PIEZO2: variants seen among roughly 807,000 people sequenced by gnomAD.
PIEZO2 encodes the protein piezo-type mechanosensitive ion channel component 2.
In PIEZO2, 172 loss-of-function variants were observed where a neutral mutation model predicts 337.3. The ratio of observed to expected loss-of-function variants is 0.51; its 90% CI spans 0.45 to 0.58. The LOEUF (loss-of-function observed/expected upper bound fraction) is 0.58, where lower values mean the gene tolerates loss of function less well. PIEZO2 is among the 20% of genes least tolerant of loss of function. The probability of loss-of-function intolerance (pLI) is 0.00; values close to 1 mark genes in which losing one functional copy is unlikely to be tolerated. For synonymous variants in PIEZO2, 1,251 were observed against 1,228.5 expected (o/e 1.02, Z -0.38); for missense variants, 3,028 against 3,391.3 (o/e 0.89, Z 2.66).
At position 10,802,393 on chromosome 18, in the gene PIEZO2, C is replaced by T. The variant is rs556672938; in HGVS notation, c.1201-965G>A. Among the ~76,000 whole-genome samples the T allele has an allele frequency of 7.2e-5, 11 of 151,962 alleles. No individual in the cohort carries two copies. In the East Asian group the frequency reaches 1.4e-3, roughly 19 times the overall value. ...TTATCTACCATACGAGAAATTAGACCAGGTAGTCTTAAAATACTTATTTAC... is the reference window on the plus strand; with the variant it reads ...TTATCTACCATACGAGAAATTAGACTAGGTAGTCTTAAAATACTTATTTAC... On this transcript the variant is annotated intron_variant, in intron 9 of 55. Transcript: ENST00000674853.
rs746072504 is a variant in PIEZO2 at position 10,767,803 on chromosome 18, A to G, written c.2946+2345T>C. Among the ~76,000 whole-genome samples the G allele has an allele frequency of 6.6e-6, 1 of 152,202 alleles. No homozygotes were observed. Among genetic ancestry groups the G allele is most frequent in the African/African-American group, 2.4e-5 (1 of 41,462 alleles). Reference sequence around the variant, plus strand: ...GCAGCAGGACTCCACAGAGGAGTCCAGGAGGAGAAGGTGCTGGCAACCAGG... The same window carrying G: ...GCAGCAGGACTCCACAGAGGAGTCCGGGAGGAGAAGGTGCTGGCAACCAGG... On this transcript the variant is annotated intron_variant, in intron 21 of 55. Transcript: ENST00000674853. This position sits in a 1 kb window ranked among gnomAD's most constrained non-coding sequence, Gnocchi z 4.2.
intron 5 of PIEZO2, among the ~76,000 whole-genome samples, chr18:10,864,023 T>C (rs114071043): frequency 0.012 from 1,805 of 152,300 alleles, 32 homozygotes; most frequent in African/African-American, 0.037. Context: ...ATAAAAAATT[T>C]ATACAGTGAT....
At chr18:10,831,144 C>G (rs1005630619) in intron 7 of PIEZO2, among the ~76,000 whole-genome samples, 1 of 152,080 alleles carries the variant, frequency 6.6e-6, no homozygotes, top group South Asian at 2.1e-4. Flanking sequence ...AAAAATAGAG[C>G]TACCATACGA....
At chr18:10,702,404 G>A (rs551147528) in intron 42 of PIEZO2, among the ~76,000 whole-genome samples, 2 of 152,230 alleles carry the variant, frequency 1.3e-5, no homozygotes, top group South Asian at 4.1e-4. Flanking sequence ...ATCCAGCAAG[G>A]CCAGTCAGAC....
rs1268901163 is a variant in PIEZO2 at position 11,094,221 on chromosome 18, C to G, written c.65-27999G>C. Among the ~76,000 whole-genome samples the G allele has an allele frequency of 6.6e-6, 1 of 152,178 alleles. No homozygotes were observed. The highest frequency in any genetic ancestry group is 1.5e-5 in the Non-Finnish European group (1 of 68,048). On this transcript the variant is annotated intron_variant, in intron 1 of 55. Transcript: ENST00000674853. This position sits in a 1 kb window ranked among gnomAD's most constrained non-coding sequence, Gnocchi z 4.4. ...CTCTCTACTGTGATAATTTGATTAG[C>G]TCCTTTATGTTCCAGCTTGAACGTA...
chr18:10,777,310 C>G (rs1412163467), intron 18 of PIEZO2, among the ~76,000 whole-genome samples: 1 of 152,238 alleles, frequency 6.6e-6, no homozygotes, highest in African/African-American at 2.4e-5. Context: ...TTCACTCACT[C>G]TACACTTCCA....
rs2033429196 is a variant in PIEZO2 at position 10,954,335 on chromosome 18, A to G, written c.286+25200T>C. The stretch of plus-strand genomic sequence containing the variant: ...ACACAATGTATCTCTGCATTTATTT[A>G]GGGTTTGTTTCATTTATTTCTGCAG... On this transcript the variant is annotated intron_variant, in intron 3 of 55. Transcript: ENST00000674853. This position sits in a 1 kb window ranked among gnomAD's most constrained non-coding sequence, Gnocchi z 4.2. 6.6e-6 allele frequency among the ~76,000 whole-genome samples: 1 copy of G among 152,120 alleles called. No individual in the cohort carries two copies. The highest frequency in any genetic ancestry group is 1.5e-5 in the Non-Finnish European group (1 of 68,006).
chr18:11,122,946 A>T (rs1274601360), intron 1 of PIEZO2, among the ~76,000 whole-genome samples: 2 of 150,790 alleles, frequency 1.3e-5, no homozygotes, highest in Non-Finnish European at 2.9e-5. Context: ...TATAAGTTAT[A>T]TGATAGCATT....
At chr18:10,935,254 A>C (rs1359412419) in intron 3 of PIEZO2, among the ~76,000 whole-genome samples, 1 of 152,192 alleles carries the variant, frequency 6.6e-6, no homozygotes, top group Non-Finnish European at 1.5e-5. Context: ...GCCACACATG[A>C]TTATGAATAG....
chr18:10,751,120 A>G (rs553131136), intron 28 of PIEZO2, among the ~76,000 whole-genome samples: 10 of 152,348 alleles, frequency 6.6e-5, no homozygotes, highest in Admixed American at 5.2e-4. Context: ...AATAATTATC[A>G]TTAACCCATT....
At chr18:10,744,439 G>C (rs917567450) in intron 30 of PIEZO2, among the ~76,000 whole-genome samples, 1 of 152,148 alleles carries the variant, frequency 6.6e-6, no homozygotes, top group Non-Finnish European at 1.5e-5. Context: ...CCCTGGGAGT[G>C]AAGGGGCTGC....
chr18:10,756,796 T>C (rs1234960697), intron 27 of PIEZO2, among the ~76,000 whole-genome samples: 2 of 128,880 alleles, frequency 1.6e-5, no homozygotes, highest in Non-Finnish European at 3.2e-5. Context: ...GGAGGGGGGA[T>C]GGAGAATGAG....
Position 10,894,976 on chromosome 18 carries a change from C to T in PIEZO2, c.329+16210G>A, listed in dbSNP as rs1995674. Among the ~76,000 whole-genome samples, 9,995 of 152,286 alleles carry T rather than the reference C, an allele frequency of 0.066. 333 individuals are homozygous for T. Among genetic ancestry groups the T allele is most frequent in the South Asian group, 0.076 (368 of 4,830 alleles). Reference sequence around the variant, plus strand: ...TTAGATGTCTGCAGATCCCACAATCCCTCCCTCTCTTTCCTGAGATGAGAG... The same window carrying T: ...TTAGATGTCTGCAGATCCCACAATCTCTCCCTCTCTTTCCTGAGATGAGAG... On this transcript the variant is annotated intron_variant, in intron 4 of 55. Coordinates refer to ENST00000674853, the MANE Select transcript of PIEZO2 (RefSeq NM_001378183.1). The surrounding 1 kb of genome is among the most constrained non-coding windows in gnomAD (Gnocchi z 4.1).
intron 1 of PIEZO2, among the ~76,000 whole-genome samples, chr18:11,103,114 G>A (rs1054203336): frequency 6.6e-6 from 1 of 151,998 alleles, no homozygotes; most frequent in Non-Finnish European, 1.5e-5. Flanking sequence ...CAATGAGAGG[G>A]GAGACATGGA....
chr18:10,983,795 A>T (rs1396962639), intron 2 of PIEZO2, among the ~76,000 whole-genome samples: 1 of 152,184 alleles, frequency 6.6e-6, no homozygotes, highest in East Asian at 1.9e-4. Context: ...GATAGCACAC[A>T]GATCTCAACA....
chr18:10,697,035 G>A (rs1005888428), intron 45 of PIEZO2, among the ~76,000 whole-genome samples: 2 of 152,250 alleles, frequency 1.3e-5, no homozygotes, highest in African/African-American at 2.4e-5. Context: ...AATGTGCAAC[G>A]CCCCTGCTCC....
Position 10,877,020 on chromosome 18 carries a change from C to A in PIEZO2, c.330-5605G>T, listed in dbSNP as rs565594499. ...GGTTTTCTTACACTCTCTTCTAATT[C>A]TCTACCTACCTATGAATATCCATGA... On this transcript the variant is annotated intron_variant, in intron 4 of 55. Coordinates refer to ENST00000674853, the MANE Select transcript of PIEZO2 (RefSeq NM_001378183.1). This position sits in a 1 kb window ranked among gnomAD's most constrained non-coding sequence, Gnocchi z 5.3. 6.6e-6 allele frequency among the ~76,000 whole-genome samples: 1 copy of A among 152,318 alleles called. No homozygotes were observed. The highest frequency in any genetic ancestry group is 1.9e-4 in the East Asian group (1 of 5,182).
chr18:10,741,244 T>A (rs8096960), intron 32 of PIEZO2, 142 bp from the exon 33 acceptor site: 15 of 653,776 alleles, frequency 2.3e-5, no homozygotes, highest in East Asian at 5.5e-5. Context: ...ATACTGAATC[T>A]GAAAAATATA....
At chr18:11,140,434 A>G (rs2040610451) in intron 1 of PIEZO2, among the ~76,000 whole-genome samples, 1 of 152,152 alleles carries the variant, frequency 6.6e-6, no homozygotes, top group Non-Finnish European at 1.5e-5. Flanking sequence ...ATCCAATTTC[A>G]TGTTCCTTGC....
Sources: allele counts gnomAD v4.1 joint callset (sites outside exome capture counted in the v4.1 genomes callset), GRCh38; gene constraint gnomAD v4.1.1; non-coding constraint Gnocchi (gnomAD v3.1); transcripts MANE v1.5; gene names NCBI Gene and HGNC (gene_info 2026-07-23, HGNC 2026-07-21).